The following NTM variants were observed in gnomAD, a reference collection of about 807,000 sequenced individuals.
The protein encoded by NTM is IgLON family member 2.
NTM carries 13 observed loss-of-function variants against 42.1 expected under a neutral mutation model. That is an observed-to-expected ratio of 0.31 (90% confidence interval 0.20 to 0.49). The LOEUF is 0.49. Ranked by LOEUF, NTM falls within the 20% of genes least tolerant of loss-of-function variation. NTM has a pLI of 0.99. For synonymous variants in NTM, 187 were observed against 179.2 expected (o/e 1.04, Z -0.35); for missense variants, 373 against 452.8 (o/e 0.82, Z 1.60).
At chr11:131,886,654 G>A (rs1315010882) in intron 1 of NTM, among the ~76,000 whole-genome samples, 3 of 152,220 alleles carry the variant, frequency 2.0e-5, no homozygotes, top group Non-Finnish European at 4.4e-5. Context: ...CAGGTGCAGG[G>A]CTACACTAGA....
rs1422530463 is a variant in NTM, at chr11:131,623,477, A to C, written c.82+252589A>C. On this transcript the variant is annotated intron_variant, in intron 1 of 8. Coordinates refer to ENST00000683400, the MANE Select transcript of NTM (RefSeq NM_001352005.2). ...TGTCCACCGAATTCCATTTTATACCAAATCATGTTAGAGAGTCCAAAGTAT... is the reference window on the plus strand; with the variant it reads ...TGTCCACCGAATTCCATTTTATACCCAATCATGTTAGAGAGTCCAAAGTAT... 5.9e-5 allele frequency among the ~76,000 whole-genome samples: 9 copies of C among 152,362 alleles called. No homozygotes were observed. The Middle Eastern group carries it at 0.01, about 173-fold the overall frequency.
chr11:131,972,454 A>G (rs973125355), intron 2 of NTM, among the ~76,000 whole-genome samples: 4 of 152,192 alleles, frequency 2.6e-5, no homozygotes, highest in East Asian at 3.8e-4. Context: ...GATGAAGTCT[A>G]TCTTACATAA....
At chr11:131,751,359 G>A (rs994706111) in intron 1 of NTM, among the ~76,000 whole-genome samples, 20 of 152,188 alleles carry the variant, frequency 1.3e-4, no homozygotes, top group Middle Eastern at 3.4e-3. Context: ...GGGAGGCTGA[G>A]GTGGGCGGAT....
chr11:131,784,637 T>C (rs927700738), intron 1 of NTM, among the ~76,000 whole-genome samples: 1 of 152,132 alleles, frequency 6.6e-6, no homozygotes, highest in African/African-American at 2.4e-5. Flanking sequence ...GAGAGGGACA[T>C]GTGTTGAGAA....
chr11:131,625,962 A>G (rs2063062664), intron 1 of NTM, among the ~76,000 whole-genome samples: 2 of 152,098 alleles, frequency 1.3e-5, no homozygotes, highest in African/African-American at 2.4e-5. Context: ...TATGTACTGT[A>G]CTTTCGAAGG....
intron 1 of NTM, among the ~76,000 whole-genome samples, chr11:131,447,804 C>A (rs1194446194): frequency 6.6e-6 from 1 of 152,140 alleles, no homozygotes; most frequent in African/African-American, 2.4e-5. Context: ...TGAGATTTTG[C>A]ATCTCCATTT....
intron 1 of NTM, among the ~76,000 whole-genome samples, chr11:131,400,169 A>C (rs1423562518): frequency 1.3e-5 from 2 of 152,080 alleles, no homozygotes; most frequent in Non-Finnish European, 2.9e-5. Context: ...AGAACATTGG[A>C]GGATGACAAG....
chr11:131,769,588 G>A (rs974794011), intron 1 of NTM: 4 of 982,932 alleles, frequency 4.1e-6, no homozygotes, highest in Non-Finnish European at 4.8e-6. Flanking sequence ...ACAGACATTT[G>A]GATAATGCTG....
At chr11:131,432,236 A>T (rs979042801) in intron 1 of NTM, among the ~76,000 whole-genome samples, 1 of 152,126 alleles carries the variant, frequency 6.6e-6, no homozygotes, top group Non-Finnish European at 1.5e-5. Flanking sequence ...AGGCAAGCTC[A>T]TTTGTTCTTT....
In NTM at chr11:131,689,363, C is replaced by T. The variant is rs1478835411; in HGVS notation, c.83-222201C>T. ...GTAAAAAGGCTTGGCTCAGGAGGGG[C>T]TGGAAGGACTGAGAAAGGAGAAGGG... On this transcript the variant is annotated intron_variant, in intron 1 of 8. Coordinates refer to ENST00000683400, the MANE Select transcript of NTM (RefSeq NM_001352005.2). 2.0e-5 allele frequency among the ~76,000 whole-genome samples: 3 copies of T among 152,340 alleles called. No individual in the cohort carries two copies. In the East Asian group the frequency reaches 5.8e-4, roughly 29 times the overall value.
intron 1 of NTM, among the ~76,000 whole-genome samples, chr11:131,520,144 A>G (rs1293528006): frequency 1.3e-5 from 2 of 152,262 alleles, no homozygotes; most frequent in South Asian, 2.1e-4. Flanking sequence ...ATAATAAAAC[A>G]TCACATTTCT....
intron 4 of NTM, among the ~76,000 whole-genome samples, chr11:132,264,019 A>G (rs949331626): frequency 2.6e-5 from 4 of 152,212 alleles, no homozygotes; most frequent in Non-Finnish European, 5.9e-5. Context: ...CAGGATTCCT[A>G]CAACGGAATG....
chr11:131,400,258 C>T (rs955738895), intron 1 of NTM, among the ~76,000 whole-genome samples: 23 of 152,204 alleles, frequency 1.5e-4, no homozygotes, highest in African/African-American at 5.3e-4. Flanking sequence ...ACCAGCTGTC[C>T]CGAAGCAATT....
chr11:131,953,140 C>G (rs1487735974), intron 2 of NTM, among the ~76,000 whole-genome samples: 1 of 152,098 alleles, frequency 6.6e-6, no homozygotes, highest in Non-Finnish European at 1.5e-5. Flanking sequence ...TAAGGCAGAC[C>G]CTGGTTGGCT....
At chr11:132,277,984 G>T (rs992748499) in intron 4 of NTM, among the ~76,000 whole-genome samples, 1 of 152,134 alleles carries the variant, frequency 6.6e-6, no homozygotes, top group Non-Finnish European at 1.5e-5. Context: ...AAAAATAATT[G>T]GTATTAACGA....
At chr11:131,686,906 G>A (rs2073955297) in intron 1 of NTM, among the ~76,000 whole-genome samples, 1 of 152,210 alleles carries the variant, frequency 6.6e-6, no homozygotes, top group Non-Finnish European at 1.5e-5. Context: ...GCTAATTAGA[G>A]GCAATCATAA....
chr11:131,968,208 A>G (rs2063080157), intron 2 of NTM, among the ~76,000 whole-genome samples: 1 of 152,214 alleles, frequency 6.6e-6, no homozygotes, highest in African/African-American at 2.4e-5. Flanking sequence ...ACAAAAAACT[A>G]AGACGTAAGC....
chr11:131,715,078 C>T (rs1029514772), intron 1 of NTM, among the ~76,000 whole-genome samples: 2 of 152,148 alleles, frequency 1.3e-5, no homozygotes, highest in East Asian at 1.9e-4. Context: ...ACACTAGGAC[C>T]TTGTGATACA....
At chr11:132,138,862 T>C (rs1169229567) in intron 2 of NTM, among the ~76,000 whole-genome samples, 2 of 152,142 alleles carry the variant, frequency 1.3e-5, no homozygotes, top group African/African-American at 4.8e-5. Context: ...CTGCTGATCA[T>C]CTCTTCTAGA....
Sources: gnomAD v4.1 joint callset for allele counts (sites outside exome capture counted in the v4.1 genomes callset) on GRCh38, gnomAD v4.1.1 for gene constraint, MANE v1.5 for transcripts, NCBI Gene and HGNC (gene_info 2026-07-23, HGNC 2026-07-21) for gene names.